Variants in RAB3C observed in about 807,000 individuals in gnomAD.
RAB3C encodes the protein RAB3C, member RAS oncogene family, also known as ras-related protein Rab-3C.
In RAB3C, 17 loss-of-function variants were observed where a neutral mutation model predicts 26.4. That is an observed-to-expected ratio of 0.64 (90% CI 0.44 to 0.97). The LOEUF (loss-of-function observed/expected upper bound fraction) is 0.97, where lower values mean the gene tolerates loss of function less well. Among genes scored for constraint, RAB3C ranks in the 50% least tolerant of loss-of-function variants. The pLI, the probability that RAB3C is intolerant of heterozygous loss-of-function variation, is 0.00. For synonymous variants in RAB3C, 91 were observed against 95.9 expected (o/e 0.95, Z 0.30); for missense variants, 242 against 281.9 (o/e 0.86, Z 1.01).
intron 4 of RAB3C, among the ~76,000 whole-genome samples, chr5:58,826,063 A>T (rs1743469166): frequency 6.6e-6 from 1 of 152,170 alleles, no homozygotes; most frequent in East Asian, 1.9e-4. Flanking sequence ...TGCCAACAGG[A>T]AAGCAACAGG....
intron 1 of RAB3C, among the ~76,000 whole-genome samples, chr5:58,603,757 GTCCC>G (rs1746504217): frequency 6.6e-6 from 1 of 151,972 alleles, no homozygotes; most frequent in African/African-American, 2.4e-5. Flanking sequence ...GCTTTCTCTG[GTCCC>G]TCCCTGATTA....
chr5:58,690,114 A>G (rs972340471), intron 2 of RAB3C, among the ~76,000 whole-genome samples: 2 of 152,176 alleles, frequency 1.3e-5, no homozygotes, highest in Non-Finnish European at 2.9e-5. Context: ...AAATAAGGTT[A>G]TTGAGAAGCA....
intron 3 of RAB3C, among the ~76,000 whole-genome samples, chr5:58,800,568 C>T (rs564538694): frequency 3.9e-4 from 59 of 152,242 alleles, no homozygotes; most frequent in Middle Eastern, 3.4e-3. Context: ...ATAATAGAAA[C>T]GCTGTGCTTC....
intron 2 of RAB3C, among the ~76,000 whole-genome samples, chr5:58,627,850 A>C (rs193035461): frequency 3.1e-4 from 47 of 152,296 alleles, no homozygotes; most frequent in African/African-American, 1.1e-3. Flanking sequence ...AACTAAATCA[A>C]TTTAAAAATG....
At chr5:58,618,586 T>G (rs1746872501) in intron 2 of RAB3C, among the ~76,000 whole-genome samples, 1 of 152,106 alleles carries the variant, frequency 6.6e-6, no homozygotes. Context: ...GTGGGATAAA[T>G]TTAGGAGACC....
In RAB3C at chr5:58,583,115, A is replaced by AGAGTGTG. The variant is rs1491346790; in HGVS notation, c.-90_-84dup. Reference sequence around the variant, plus strand: ...GCCGGTTAGCGAACCCCAAGAGTGCAGAGTGTGGAGCGTGGAGCGCCGGGA... The same window carrying AGAGTGTG: ...GCCGGTTAGCGAACCCCAAGAGTGCAGAGTGTGGAGTGTGGAGCGTGGAGCGCCGGGA... On this transcript the variant is annotated 5_prime_UTR_variant, in exon 1 of 5. It introduces an in-frame stop codon into an upstream open reading frame of the 5' UTR. Coordinates refer to ENST00000282878, the MANE Select transcript of RAB3C (RefSeq NM_138453.4). 2 of 1,601,026 alleles carry AGAGTGTG rather than the reference A, an allele frequency of 1.2e-6. No individual in the cohort carries two copies. Among genetic ancestry groups the AGAGTGTG allele is most frequent in the African/African-American group, 2.7e-5 (2 of 74,696 alleles).
intron 1 of RAB3C, among the ~76,000 whole-genome samples, chr5:58,607,061 A>G (rs1746589613): frequency 6.6e-6 from 1 of 152,212 alleles, no homozygotes; most frequent in South Asian, 2.1e-4. Context: ...ATGGAGAATG[A>G]CTGACGAGTT....
At position 58,612,519 on chromosome 5, in the gene RAB3C, T is replaced by C. The variant is rs1047563161; in HGVS notation, c.25-5124T>C. On this transcript the variant is annotated intron_variant, in intron 1 of 4. Coordinates refer to ENST00000282878, the MANE Select transcript of RAB3C (RefSeq NM_138453.4). Reference sequence around the variant, plus strand: ...GTGTGTGTGTGTGTGTGTGTGTGTGTGTATATATATATATATATATATATA... The same window carrying C: ...GTGTGTGTGTGTGTGTGTGTGTGTGCGTATATATATATATATATATATATA... 1.9e-4 allele frequency among the ~76,000 whole-genome samples: 6 copies of C among 30,826 alleles called. No individual in the cohort carries two copies. The South Asian group carries it at 5.5e-3, about 28-fold the overall frequency. 20.2% of individuals were successfully genotyped at this position (30,826 alleles called of 152,430 possible).
chr5:58,754,028 G>A (rs1263027691), intron 3 of RAB3C, among the ~76,000 whole-genome samples: 4 of 152,132 alleles, frequency 2.6e-5, no homozygotes, highest in African/African-American at 7.2e-5. Context: ...TCGGGGGGTT[G>A]GAAGTCGGAG....
At chr5:58,712,803 G>A (rs889688644) in intron 2 of RAB3C, among the ~76,000 whole-genome samples, 3 of 152,174 alleles carry the variant, frequency 2.0e-5, no homozygotes, top group East Asian at 3.9e-4. Flanking sequence ...GGGATTATAG[G>A]CATAAGCCAC....
intron 3 of RAB3C, among the ~76,000 whole-genome samples, chr5:58,778,732 A>G (rs1742204491): frequency 6.6e-6 from 1 of 152,162 alleles, no homozygotes; most frequent in Non-Finnish European, 1.5e-5. Flanking sequence ...TATTTATGCC[A>G]TGGCCTCATC....
chr5:58,749,099 CA>C (rs1204650438), intron 3 of RAB3C, among the ~76,000 whole-genome samples: 2 of 152,222 alleles, frequency 1.3e-5, no homozygotes, highest in Non-Finnish European at 2.9e-5. Flanking sequence ...ACTATGTACA[CA>C]AGGAGTAAAC....
At chr5:58,825,652 C>T (rs2662385) in intron 4 of RAB3C, among the ~76,000 whole-genome samples, 83,580 of 151,908 alleles carry the variant, frequency 0.55, 23,463 homozygotes, top group Middle Eastern at 0.71. Flanking sequence ...CCCCATCTCT[C>T]CAGAATGAGT....
At chr5:58,694,416 T>C (rs1392533456) in intron 2 of RAB3C, among the ~76,000 whole-genome samples, 2 of 152,136 alleles carry the variant, frequency 1.3e-5, no homozygotes, top group African/African-American at 2.4e-5. Flanking sequence ...GTCTTTATAG[T>C]AGCATGATTT....
intron 2 of RAB3C, 74 bp from the exon 3 acceptor site, chr5:58,725,928 T>A (rs1740879965): frequency 2.4e-6 from 2 of 846,064 alleles, no homozygotes; most frequent in Non-Finnish European, 3.7e-6. Flanking sequence ...TGACTCTTTT[T>A]GGAATTATTA....
intron 3 of RAB3C, among the ~76,000 whole-genome samples, chr5:58,760,022 C>T (rs1579904021): frequency 6.6e-6 from 1 of 152,308 alleles, no homozygotes; most frequent in East Asian, 1.9e-4. Context: ...TTCTTTCCTT[C>T]CTCTCCTGTC....
intron 3 of RAB3C, among the ~76,000 whole-genome samples, chr5:58,785,748 CA>C (rs1297097732): frequency 3.3e-5 from 5 of 152,238 alleles, no homozygotes; most frequent in African/African-American, 1.2e-4. Context: ...GATGGAATTA[CA>C]GTTGCTAATC....
intron 3 of RAB3C, among the ~76,000 whole-genome samples, chr5:58,808,193 C>T (rs1488266011): frequency 1.3e-5 from 2 of 148,496 alleles, no homozygotes; most frequent in Non-Finnish European, 3.0e-5. Flanking sequence ...CCACTGCACT[C>T]CAGCCTGGGT....
chr5:58,607,780 T>A (rs575977601), intron 1 of RAB3C, among the ~76,000 whole-genome samples: 1 of 152,224 alleles, frequency 6.6e-6, no homozygotes, highest in East Asian at 1.9e-4. Context: ...AAGAAAAGAA[T>A]TTTCATCCCA....
Sources: gnomAD v4.1 joint callset for allele counts (sites outside exome capture counted in the v4.1 genomes callset) on GRCh38, gnomAD v4.1.1 for gene constraint, MANE v1.5 for transcripts, NCBI Gene and HGNC (gene_info 2026-07-23, HGNC 2026-07-21) for gene names.